The following ZNF395 variants were observed in gnomAD, a reference collection of about 807,000 sequenced individuals.
The protein encoded by ZNF395 is HD gene regulatory region-binding protein 2.
A neutral mutation model predicts 57.7 loss-of-function variants in ZNF395; 20 were observed. The ratio of observed to expected loss-of-function variants is 0.35; its 90% CI spans 0.24 to 0.50. The LOEUF (loss-of-function observed/expected upper bound fraction) is 0.50, where lower values mean the gene tolerates loss of function less well. Ranked by LOEUF, ZNF395 falls within the 20% of genes least tolerant of loss-of-function variation. ZNF395 has a pLI of 0.97. For missense variants in ZNF395, 606 were observed against 671.2 expected (o/e 0.90, Z 1.07); for synonymous variants, 295 against 275.9 (o/e 1.07, Z -0.69).
At chr8:28,368,093 A>G (rs1363045421) in intron 1 of ZNF395, among the ~76,000 whole-genome samples, 1 of 152,120 alleles carries the variant, frequency 6.6e-6, no homozygotes, top group Non-Finnish European at 1.5e-5. Flanking sequence ...AACCTGATTT[A>G]AACTGTTCTC....
At chr8:28,364,738 C>T (rs1801890890) in intron 1 of ZNF395, among the ~76,000 whole-genome samples, 2 of 152,068 alleles carry the variant, frequency 1.3e-5, no homozygotes, top group African/African-American at 4.8e-5. Context: ...GCACTCCAGC[C>T]TGGGAGACAG....
rs372221668 is a variant in ZNF395 at position 28,356,688 on chromosome 8, T to C, written c.565A>G (p.Thr189Ala). 6.2e-7 allele frequency: 1 copy of C among 1,613,842 alleles called. No individual in the cohort carries two copies. The highest frequency in any genetic ancestry group is 8.5e-7 in the Non-Finnish European group (1 of 1,179,966). ...CSPVVQSPPG[T>A]EANFSASRAA... The stretch of plus-strand genomic sequence containing the variant: ...TGCTCACCAGAGAAGTTGGCCTCGG[T>C]CCCGGGAGGACTCTGTACAACAGGG... The change falls in exon 4 of 10, where the codon ACC (threonine) becomes GCC (alanine). Residue 189 changes from threonine to alanine, a missense_variant. Physicochemically the swap from Thr to Ala is moderately conservative, Grantham distance 58. Coordinates refer to ENST00000344423, the MANE Select transcript of ZNF395 (RefSeq NM_018660.3). The surrounding 1 kb of genome is among the most constrained non-coding windows in gnomAD (Gnocchi z 4.0).
intron 1 of ZNF395, among the ~76,000 whole-genome samples, chr8:28,377,460 T>C (rs548637149): frequency 6.6e-6 from 1 of 152,318 alleles, no homozygotes; most frequent in East Asian, 1.9e-4. Flanking sequence ...ACTAAACATA[T>C]GTTTTCCTGG....
At chr8:28,361,834 G>A (rs999504495) in intron 1 of ZNF395, among the ~76,000 whole-genome samples, 14 of 152,192 alleles carry the variant, frequency 9.2e-5, no homozygotes, top group African/African-American at 1.4e-4. Flanking sequence ...GCTCATGCCT[G>A]TAATCCCAAC....
intron 1 of ZNF395, chr8:28,385,397 G>GCC (rs1802162436): frequency 1.8e-5 from 2 of 113,406 alleles, no homozygotes; most frequent in Admixed American, 8.9e-5. Context: ...TCCCTGTGCA[G>GCC]CCCCGCCCCC....
At chr8:28,370,584 G>C (rs973515600) in intron 1 of ZNF395, among the ~76,000 whole-genome samples, 2 of 152,214 alleles carry the variant, frequency 1.3e-5, no homozygotes, top group African/African-American at 4.8e-5. Flanking sequence ...GCATTAATCA[G>C]AAGCTGCTCA....
chr8:28,381,133 C>T (rs766161805), intron 1 of ZNF395, among the ~76,000 whole-genome samples: 6 of 152,012 alleles, frequency 3.9e-5, no homozygotes, highest in Non-Finnish European at 7.4e-5. Flanking sequence ...GCTCTGCCTC[C>T]GGGGTTCATG....
Position 28,348,742 on chromosome 8 carries a change from C to A in ZNF395, c.1519G>T (p.Ala507Ser), listed in dbSNP as rs552266249. ...GCTCAGTCCAGAAAGCGCTGGCAGG[C>A]CTTCTTCCACCGGCAGGCCGTGCAC... is the stretch of plus-strand genomic sequence containing the variant. ...QWCTACRWKK[A>S]CQRFLD Residue 507 changes from alanine (A) to serine (S), a missense_variant, in exon 10 of 10, where the codon GCC becomes TCC. Physicochemically the swap from Ala to Ser is moderately conservative, Grantham distance 99 (BLOSUM62 1). Transcript: ENST00000344423. 1.2e-6 allele frequency: 2 copies of A among 1,613,948 alleles called. No individual in the cohort carries two copies. The highest frequency in any genetic ancestry group is 1.7e-6 in the Non-Finnish European group (2 of 1,180,024).
chr8:28,381,723 T>C (rs1233848795), intron 1 of ZNF395, among the ~76,000 whole-genome samples: 2 of 152,152 alleles, frequency 1.3e-5, no homozygotes. Context: ...TGGCACCTGA[T>C]GGCTGTGACT....
intron 1 of ZNF395, among the ~76,000 whole-genome samples, chr8:28,379,937 T>C (rs1469085192): frequency 6.6e-6 from 1 of 152,174 alleles, no homozygotes; most frequent in Non-Finnish European, 1.5e-5. Context: ...CTTCCAATTA[T>C]TTTCTAAACA....
intron 7 of ZNF395, among the ~76,000 whole-genome samples, chr8:28,350,547 C>A (rs962570978): frequency 2.0e-5 from 3 of 152,222 alleles, no homozygotes; most frequent in Non-Finnish European, 4.4e-5. Context: ...TGGGATCTTC[C>A]AGCAACTGCT....
At chr8:28,386,336 G>A (rs1009149176) in intron 1 of ZNF395, 57 bp downstream of exon 1, 1 of 43,304 alleles carries the variant, frequency 2.3e-5, no homozygotes, top group Non-Finnish European at 5.4e-5. Flanking sequence ...CCCGCCCCCC[G>A]CGCCTCCGCG....
At chr8:28,368,816 A>C (rs891651265) in intron 1 of ZNF395, among the ~76,000 whole-genome samples, 3 of 152,136 alleles carry the variant, frequency 2.0e-5, no homozygotes, top group Admixed American at 2.0e-4. Context: ...GGAACACAGG[A>C]ACATGGACTC....
At chr8:28,368,528 C>T (rs2129974578) in intron 1 of ZNF395, 1 of 152,314 alleles carries the variant, frequency 6.6e-6, no homozygotes, top group South Asian at 2.1e-4. Flanking sequence ...TCTCTCTTCC[C>T]CACAAGTGGA....
chr8:28,375,698 G>A (rs1446037208), intron 1 of ZNF395, among the ~76,000 whole-genome samples: 1 of 152,188 alleles, frequency 6.6e-6, no homozygotes, highest in Non-Finnish European at 1.5e-5. Context: ...ATCAGACGTT[G>A]GAAATCTCTG....
At chr8:28,362,240 C>A (rs1801858952) in intron 1 of ZNF395, among the ~76,000 whole-genome samples, 1 of 152,150 alleles carries the variant, frequency 6.6e-6, no homozygotes, top group Non-Finnish European at 1.5e-5. Flanking sequence ...TGGGTCCCTA[C>A]CAGGGGACCA....
chr8:28,356,566 T>C lies in ZNF395; in HGVS notation c.583+104A>G, dbSNP rs1262871786. ...GCCAGTGGGAGGTGTCCCTGGACAT[T>C]CTATTGCCAGGCTGGTGACATAGGC... On this transcript the variant is annotated intron_variant, in intron 4 of 9. Transcript: ENST00000344423. This position sits in a 1 kb window ranked among gnomAD's most constrained non-coding sequence, Gnocchi z 4.0. The C allele has an allele frequency of 1.3e-6, 1 of 767,048 alleles. No individual in the cohort carries two copies. Among genetic ancestry groups the C allele is most frequent in the Non-Finnish European group, 2.1e-6 (1 of 469,936 alleles). 47.5% of individuals were successfully genotyped at this position (767,048 alleles called of 1,614,324 possible). A position where few individuals can be genotyped will look rare whatever the true frequency, so the allele number is the denominator to read the frequency against.
intron 1 of ZNF395, among the ~76,000 whole-genome samples, chr8:28,369,373 G>A (rs1267340383): frequency 6.6e-6 from 1 of 152,174 alleles, no homozygotes; most frequent in Non-Finnish European, 1.5e-5. Flanking sequence ...AGGAGGATGA[G>A]AGCTACCTGG....
intron 6 of ZNF395, 64 bp from the exon 7 acceptor site, chr8:28,351,871 C>T (rs1037679446): frequency 2.5e-5 from 38 of 1,490,716 alleles, no homozygotes; most frequent in African/African-American, 2.5e-4. Flanking sequence ...CAGCGGGGAC[C>T]GCGGTAGGGA....
Sources: gnomAD v4.1 joint callset for allele counts (sites outside exome capture counted in the v4.1 genomes callset) on GRCh38, gnomAD v4.1.1 for gene constraint, Gnocchi (gnomAD v3.1) non-coding constraint, MANE v1.5 for transcripts, NCBI Gene and HGNC (gene_info 2026-07-23, HGNC 2026-07-21) for gene names.